AMPH: variants seen among roughly 807,000 people sequenced by gnomAD.
The protein encoded by AMPH is amphiphysin.
A neutral mutation model predicts 99.1 loss-of-function variants in AMPH; 49 were observed. The ratio of observed to expected loss-of-function variants is 0.49; its 90% CI spans 0.39 to 0.63. The LOEUF (loss-of-function observed/expected upper bound fraction) is 0.63. Among genes scored for constraint, AMPH ranks in the 20% least tolerant of loss-of-function variants. AMPH has a pLI of 0.00. For synonymous variants in AMPH, 314 were observed against 317.3 expected (o/e 0.99, Z 0.11); for missense variants, 759 against 863.4 (o/e 0.88, Z 1.52).
intron 11 of AMPH, among the ~76,000 whole-genome samples, chr7:38,450,455 C>A (rs1786966165): frequency 6.6e-6 from 1 of 152,032 alleles, no homozygotes; most frequent in Non-Finnish European, 1.5e-5. Flanking sequence ...GCAGAAGGGA[C>A]CAGCTGCAGC....
intron 20 of AMPH, among the ~76,000 whole-genome samples, chr7:38,385,777 AGAGGCT>A (rs1784334016): frequency 6.6e-6 from 1 of 152,232 alleles, no homozygotes; most frequent in Admixed American, 6.5e-5. Context: ...ACTGAGAAAC[AGAGGCT>A]GTGGTCTGCC....
chr7:38,589,857 C>G (rs1293958760), intron 1 of AMPH, among the ~76,000 whole-genome samples: 2 of 152,282 alleles, frequency 1.3e-5, no homozygotes, highest in African/African-American at 4.8e-5. Flanking sequence ...TGGACCTCCT[C>G]ATAGGCAAGA....
chr7:38,558,116 G>A (rs964505470), intron 1 of AMPH, among the ~76,000 whole-genome samples: 2 of 152,252 alleles, frequency 1.3e-5, no homozygotes, highest in East Asian at 1.9e-4. Flanking sequence ...TAACCACAAA[G>A]CTGCCTATGA....
intron 11 of AMPH, among the ~76,000 whole-genome samples, chr7:38,439,989 A>C (rs965043503): frequency 6.6e-6 from 1 of 152,212 alleles, no homozygotes; most frequent in Non-Finnish European, 1.5e-5. Context: ...ATATTAGTTA[A>C]TGTAATGCAA....
chr7:38,549,150 T>C (rs986139582), intron 1 of AMPH, among the ~76,000 whole-genome samples: 2 of 152,232 alleles, frequency 1.3e-5, no homozygotes, highest in African/African-American at 4.8e-5. Flanking sequence ...ACCCTCACTA[T>C]CTGCCTAAAT....
chr7:38,607,669 G>A (rs755170478), intron 1 of AMPH, among the ~76,000 whole-genome samples: 1 of 152,130 alleles, frequency 6.6e-6, no homozygotes, highest in Non-Finnish European at 1.5e-5. Context: ...CTAAGTCATC[G>A]ATATCTATGA....
chr7:38,520,771 T>C (rs963318792), intron 2 of AMPH, among the ~76,000 whole-genome samples: 3 of 152,154 alleles, frequency 2.0e-5, no homozygotes, highest in African/African-American at 7.2e-5. Context: ...GGAAGGGCAG[T>C]CAAATCATAT....
At chr7:38,459,767 C>T (rs114608916) in intron 11 of AMPH, among the ~76,000 whole-genome samples, 1,684 of 152,012 alleles carry the variant, frequency 0.011, 41 homozygotes, top group African/African-American at 0.039. Context: ...GGAAACACCT[C>T]AAGACATCAG....
Position 38,432,298 on chromosome 7 carries a change from T to C in AMPH, c.1135-86A>G, listed in dbSNP as rs1786061784. 2.4e-6 allele frequency: 3 copies of C among 1,273,174 alleles called. No homozygotes were observed. The African/African-American group carries it at 4.4e-5, about 19-fold the overall frequency. The allele number at this position is 1,273,174 out of a possible 1,614,324, so 78.9% of individuals were successfully genotyped here. A position where few individuals can be genotyped will look rare whatever the true frequency, so the allele number is the denominator to read the frequency against. On this transcript the variant is annotated intron_variant, in intron 12 of 20. Coordinates refer to ENST00000356264, the MANE Select transcript of AMPH (RefSeq NM_001635.4). Reference sequence around the variant, plus strand: ...GAGGTGACAAAAGTTCTTGAAATCATAAGCATTTTTTAAGCATTTTGTACA... The same window carrying C: ...GAGGTGACAAAAGTTCTTGAAATCACAAGCATTTTTTAAGCATTTTGTACA...
At chr7:38,492,600 T>C (rs2129020721) in intron 4 of AMPH, among the ~76,000 whole-genome samples, 1 of 152,324 alleles carries the variant, frequency 6.6e-6, no homozygotes, top group Admixed American at 6.5e-5. Flanking sequence ...ATCCACTGTT[T>C]AGAAAGGCTC....
At chr7:38,628,083 A>T (rs1435206641) in intron 1 of AMPH, among the ~76,000 whole-genome samples, 1 of 152,236 alleles carries the variant, frequency 6.6e-6, no homozygotes, top group Non-Finnish European at 1.5e-5. Context: ...TGTAACCCTT[A>T]GGCTTGATAA....
chr7:38,533,311 T>C (rs1162526563), intron 2 of AMPH, among the ~76,000 whole-genome samples: 3 of 152,214 alleles, frequency 2.0e-5, no homozygotes, highest in Admixed American at 6.5e-5. Context: ...CATTTGGCCA[T>C]GATCAATTTT....
At chr7:38,422,375 G>C in intron 16 of AMPH, 46 bp downstream of exon 16, 1 of 1,501,998 alleles carries the variant, frequency 6.7e-7, no homozygotes. Flanking sequence ...AGAACATTCA[G>C]TGATAACTAA....
intron 2 of AMPH, among the ~76,000 whole-genome samples, chr7:38,519,984 TAAG>T (rs1200590574): frequency 2.6e-5 from 4 of 152,052 alleles, no homozygotes; most frequent in Non-Finnish European, 5.9e-5. Context: ...CCTCTGAATC[TAAG>T]AAGTTGAAAA....
chr7:38,589,058 A>G (rs1302492577), intron 1 of AMPH, among the ~76,000 whole-genome samples: 3 of 152,222 alleles, frequency 2.0e-5, no homozygotes, highest in Non-Finnish European at 4.4e-5. Flanking sequence ...AAAGTAGGTG[A>G]GTCCATTCTT....
At chr7:38,424,723 C>T (rs990690409) in intron 15 of AMPH, among the ~76,000 whole-genome samples, 1 of 151,882 alleles carries the variant, frequency 6.6e-6, no homozygotes, top group African/African-American at 2.4e-5. Flanking sequence ...ATTAAAAAGG[C>T]TTATACAGTG....
At chr7:38,509,526 C>T (rs1165751416) in intron 2 of AMPH, among the ~76,000 whole-genome samples, 1 of 152,218 alleles carries the variant, frequency 6.6e-6, no homozygotes, top group African/African-American at 2.4e-5. Flanking sequence ...CCATTCGGAT[C>T]TTCTGGAAAA....
chr7:38,575,676 GC>G (rs1345219054), intron 1 of AMPH, among the ~76,000 whole-genome samples: 3 of 152,164 alleles, frequency 2.0e-5, no homozygotes, highest in Non-Finnish European at 2.9e-5. Context: ...GGCCTCCCCA[GC>G]CATGCTGAAC....
At chr7:38,550,904 T>C (rs1377799307) in intron 1 of AMPH, among the ~76,000 whole-genome samples, 1 of 152,228 alleles carries the variant, frequency 6.6e-6, no homozygotes, top group Non-Finnish European at 1.5e-5. Flanking sequence ...GTCACATTTT[T>C]CACATTTTTG....
Sources: gnomAD v4.1 joint callset for allele counts (sites outside exome capture counted in the v4.1 genomes callset) on GRCh38, gnomAD v4.1.1 for gene constraint, MANE v1.5 for transcripts, NCBI Gene and HGNC (gene_info 2026-07-23, HGNC 2026-07-21) for gene names.